Variants in TAFA1 observed in about 807,000 individuals in gnomAD.
The protein encoded by TAFA1 is chemokine-like protein TAFA-1.
Under a neutral mutation model 18.5 loss-of-function variants are expected in TAFA1, and 4 were observed. That is an observed-to-expected ratio of 0.22 (90% confidence interval 0.11 to 0.49). The LOEUF (loss-of-function observed/expected upper bound fraction) is 0.49. Ranked by LOEUF, TAFA1 falls within the 20% of genes least tolerant of loss-of-function variation. The pLI is 0.98. For synonymous variants in TAFA1, 56 were observed against 55.2 expected, an observed-to-expected ratio of 1.01 and a Z score of -0.06; for missense variants, 147 against 169.0, an observed-to-expected ratio of 0.87 and a Z score of 0.72.
intron 2 of TAFA1, among the ~76,000 whole-genome samples, chr3:68,205,086 CCAT>C: frequency 6.6e-6 from 1 of 151,852 alleles, no homozygotes. Flanking sequence ...AGAAAATGAA[CCAT>C]GACTTTTAAT....
At chr3:68,285,878 C>T (rs1267375984) in intron 2 of TAFA1, among the ~76,000 whole-genome samples, 1 of 152,090 alleles carries the variant, frequency 6.6e-6, no homozygotes, top group Non-Finnish European at 1.5e-5. Flanking sequence ...GAATATACGG[C>T]CCAGACTTAT....
At chr3:68,462,960 A>G (rs953142810) in intron 3 of TAFA1, among the ~76,000 whole-genome samples, 8 of 152,220 alleles carry the variant, frequency 5.3e-5, no homozygotes, top group African/African-American at 1.9e-4. Context: ...GGTAAACAAA[A>G]CAACTCTCAA....
intron 2 of TAFA1, among the ~76,000 whole-genome samples, chr3:68,319,712 C>A (rs2068667137): frequency 6.6e-6 from 1 of 152,170 alleles, no homozygotes; most frequent in South Asian, 2.1e-4. Context: ...AAAATGAATT[C>A]ATCATGCTCA....
At chr3:68,132,982 A>G (rs1477391284) in intron 2 of TAFA1, among the ~76,000 whole-genome samples, 1 of 152,226 alleles carries the variant, frequency 6.6e-6, no homozygotes, top group East Asian at 1.9e-4. Context: ...GTTTTCTGCT[A>G]GGGTTTTTAT....
At chr3:68,014,101 G>A (rs1425525222) in intron 2 of TAFA1, among the ~76,000 whole-genome samples, 1 of 152,198 alleles carries the variant, frequency 6.6e-6, no homozygotes, top group East Asian at 1.9e-4. Flanking sequence ...AGCTGAATCT[G>A]TGTACATTCA....
chr3:68,368,973 A>G (rs888100605), intron 2 of TAFA1, among the ~76,000 whole-genome samples: 3 of 152,262 alleles, frequency 2.0e-5, no homozygotes, highest in Non-Finnish European at 4.4e-5. Context: ...TGATGAACAT[A>G]AAATTTATTA....
chr3:68,166,849 A>C (rs2065987349), intron 2 of TAFA1, among the ~76,000 whole-genome samples: 1 of 152,130 alleles, frequency 6.6e-6, no homozygotes, highest in African/African-American at 2.4e-5. Context: ...ATACGCTTGT[A>C]TAAGGGCCAG....
At position 68,544,520 on chromosome 3, in the gene TAFA1, A is replaced by C; in HGVS notation, c.*17A>C. On this transcript the variant is annotated 3_prime_UTR_variant, in exon 5 of 5. Transcript: ENST00000478136. ...AGAACCTAACAGAAGCATTTGTGGTAGTAAAGGAAAACCAACCCTCTGGAA... is the reference window on the plus strand; with the variant it reads ...AGAACCTAACAGAAGCATTTGTGGTCGTAAAGGAAAACCAACCCTCTGGAA... The C allele has an allele frequency of 6.2e-7, 1 of 1,612,146 alleles. No homozygotes were observed. Among genetic ancestry groups the C allele is most frequent in the Non-Finnish European group, 8.5e-7 (1 of 1,178,622 alleles).
chr3:68,469,296 A>G (rs897674440), intron 3 of TAFA1, among the ~76,000 whole-genome samples: 1 of 152,214 alleles, frequency 6.6e-6, no homozygotes, highest in African/African-American at 2.4e-5. Context: ...ATTGCTGTCC[A>G]GTGGGAAGTA....
intron 2 of TAFA1, among the ~76,000 whole-genome samples, chr3:68,155,506 T>C (rs1048455125): frequency 6.6e-6 from 1 of 152,140 alleles, no homozygotes; most frequent in Non-Finnish European, 1.5e-5. Flanking sequence ...GAGCCATGTC[T>C]CAAACCCTAA....
chr3:68,170,968 C>A (rs549276388), intron 2 of TAFA1, among the ~76,000 whole-genome samples: 2 of 152,128 alleles, frequency 1.3e-5, no homozygotes, highest in South Asian at 2.1e-4. Flanking sequence ...AAAACAAGAA[C>A]GAATAGCAAC....
chr3:68,341,963 T>C (rs2106754835), intron 2 of TAFA1, among the ~76,000 whole-genome samples: 1 of 152,314 alleles, frequency 6.6e-6, no homozygotes, highest in African/African-American at 2.4e-5. Flanking sequence ...AGTGGCATTT[T>C]GAGTTGGTGG....
At chr3:68,227,464 G>T (rs2066816380) in intron 2 of TAFA1, among the ~76,000 whole-genome samples, 1 of 152,184 alleles carries the variant, frequency 6.6e-6, no homozygotes, top group Non-Finnish European at 1.5e-5. Flanking sequence ...ACCCTTCAAA[G>T]CCTTGCCAAG....
intron 2 of TAFA1, among the ~76,000 whole-genome samples, chr3:68,260,279 G>A: frequency 6.6e-6 from 1 of 152,084 alleles, no homozygotes; most frequent in Non-Finnish European, 1.5e-5. Context: ...TGCATCCCAG[G>A]GATGAAGCCC....
At chr3:68,429,011 A>G (rs888046605) in intron 3 of TAFA1, among the ~76,000 whole-genome samples, 2 of 152,042 alleles carry the variant, frequency 1.3e-5, no homozygotes, top group African/African-American at 2.4e-5. Context: ...ATGGAATTCA[A>G]GAGCAGAGAT....
intron 2 of TAFA1, among the ~76,000 whole-genome samples, chr3:68,153,627 G>T (rs557558140): frequency 1.3e-5 from 2 of 152,154 alleles, no homozygotes; most frequent in African/African-American, 2.4e-5. Context: ...AGCATCACTT[G>T]TATTTGCAGA....
intron 3 of TAFA1, among the ~76,000 whole-genome samples, chr3:68,516,236 G>T (rs2106740034): frequency 6.6e-6 from 1 of 152,042 alleles, no homozygotes; most frequent in South Asian, 2.1e-4. Context: ...CTCTTTTATT[G>T]GTCATCACTG....
the TAFA1 span, among the ~76,000 whole-genome samples, chr3:67,996,115 T>C: frequency 3.2e-3 from 492 of 152,208 alleles, 5 homozygotes; most frequent in African/African-American, 0.011. Flanking sequence ...GGGAAATGAT[T>C]ATCTTCTTCA....
chr3:68,051,420 A>G (rs2064470300), intron 2 of TAFA1, among the ~76,000 whole-genome samples: 1 of 152,156 alleles, frequency 6.6e-6, no homozygotes, highest in South Asian at 2.1e-4. Context: ...GTGGTTATTA[A>G]CCAGGGGCAA....
Sources: gnomAD v4.1 joint callset for allele counts (sites outside exome capture counted in the v4.1 genomes callset) on GRCh38, gnomAD v4.1.1 for gene constraint, MANE v1.5 for transcripts, NCBI Gene and HGNC (gene_info 2026-07-23, HGNC 2026-07-21) for gene names.